Variants in DGKK observed in about 807,000 individuals in gnomAD.
DGKK encodes the protein 142 kDa diacylglycerol kinase.
Under a neutral mutation model 92.2 loss-of-function variants are expected in DGKK, and 35 were observed. That is an observed-to-expected ratio of 0.38 (90% confidence interval 0.29 to 0.50). The LOEUF is 0.50. Ranked by LOEUF, DGKK falls within the 20% of genes least tolerant of loss-of-function variation. The probability of loss-of-function intolerance (pLI) is 0.92; values close to 1 mark genes in which losing one functional copy is unlikely to be tolerated. For synonymous variants in DGKK, 368 were observed against 360.6 expected (o/e 1.02, Z -0.23); for missense variants, 910 against 992.2 (o/e 0.92, Z 1.11).
intron 8 of DGKK, among the ~76,000 whole-genome samples, chrX:50,396,426 T>A (rs187733659): frequency 8.9e-6 from 1 of 112,115 alleles, no homozygotes; most frequent in East Asian, 2.8e-4. Context: ...ATTTCTTTTT[T>A]AAAAAACTGA....
intron 19 of DGKK, 21 bp from the exon 20 acceptor site, chrX:50,379,755 T>C: frequency 8.7e-7 from 1 of 1,147,658 alleles, no homozygotes; most frequent in Non-Finnish European, 1.2e-6. Context: ...AGAGTAGCTC[T>C]CATTAGCTGG....
chrX:50,387,680 T>C, intron 13 of DGKK, 27 bp from the exon 14 acceptor site: 7 of 1,072,206 alleles, frequency 6.5e-6, no homozygotes, highest in Non-Finnish European at 9.1e-6. Context: ...GATGGCACAA[T>C]GTTACATGAA....
At chrX:50,369,206 G>A (rs1924049376) in intron 27 of DGKK, among the ~76,000 whole-genome samples, 187 bp from the exon 28 acceptor site, 1 of 111,112 alleles carries the variant, frequency 9.0e-6, no homozygotes, top group African/African-American at 3.3e-5. Flanking sequence ...CAAATGGGAT[G>A]AATTTTCAGA....
chrX:50,408,585 G>A (rs931869253), intron 4 of DGKK, among the ~76,000 whole-genome samples: 2 of 109,138 alleles, frequency 1.8e-5, no homozygotes, highest in East Asian at 5.8e-4. Context: ...GGGTTTCACC[G>A]TGTTAGCCAG....
chrX:50,426,024 T>C (rs782744510), intron 1 of DGKK, among the ~76,000 whole-genome samples: 1 of 111,943 alleles, frequency 8.9e-6, no homozygotes, highest in East Asian at 2.8e-4. Context: ...GGCAGTCCTA[T>C]TTACTCCTTT....
At chrX:50,468,857 TTGTGTGTGTG>T (rs145971796) in intron 1 of DGKK, among the ~76,000 whole-genome samples, 4 of 103,323 alleles carry the variant, frequency 3.9e-5, no homozygotes, top group Non-Finnish European at 6.0e-5. Context: ...TGTTATTCGT[TTGTGTGTGTG>T]TGTGTGTGTG....
intron 1 of DGKK, among the ~76,000 whole-genome samples, chrX:50,448,598 G>A (rs1926423867): frequency 9.0e-6 from 1 of 111,146 alleles, no homozygotes; most frequent in Non-Finnish European, 1.9e-5. Context: ...AGGGCGTGAG[G>A]TAGGGAGTGG....
chrX:50,442,029 G>C (rs1926183413), intron 1 of DGKK, among the ~76,000 whole-genome samples: 1 of 111,049 alleles, frequency 9.0e-6, no homozygotes, highest in South Asian at 3.8e-4. Context: ...GCAACCTACA[G>C]CCCCAAAAGA....
intron 4 of DGKK, among the ~76,000 whole-genome samples, chrX:50,419,663 A>G (rs1411652138): frequency 8.9e-6 from 1 of 111,964 alleles, no homozygotes; most frequent in African/African-American, 3.3e-5. Flanking sequence ...TATGTGCCAG[A>G]GACCGCTGTA....
At chrX:50,435,933 G>A (rs1286284631) in intron 1 of DGKK, among the ~76,000 whole-genome samples, 3 of 111,785 alleles carry the variant, frequency 2.7e-5, no homozygotes, top group African/African-American at 9.8e-5. Context: ...TCCTAAAGCT[G>A]TGGGTAGCCT....
chrX:50,396,785 G>A (rs1557226162), intron 8 of DGKK, among the ~76,000 whole-genome samples: 2 of 112,067 alleles, frequency 1.8e-5, no homozygotes, highest in African/African-American at 6.5e-5. Context: ...GCCACTGAGG[G>A]CAGAAATGTA....
Position 50,393,260 on chromosome X carries a change from A to AT in DGKK, c.1486dup (p.Ile496AsnfsTer22). ...CTGATGATCGCCACTTTTGGAGTTG[A>AT]TGAAGATGAGCAAGGGACATGAACA... On this transcript the variant is annotated frameshift_variant, in exon 9 of 28. Transcript: ENST00000611977. LOFTEE classifies it high-confidence loss of function. The AT allele has an allele frequency of 8.3e-7, 1 of 1,210,775 alleles. No homozygotes were observed. The highest frequency in any genetic ancestry group is 1.1e-6 in the Non-Finnish European group (1 of 894,775).
At chrX:50,383,761 C>T (rs1924468496) in intron 17 of DGKK, among the ~76,000 whole-genome samples, 1 of 111,749 alleles carries the variant, frequency 8.9e-6, no homozygotes, top group Non-Finnish European at 1.9e-5. Context: ...TGCCTAGTCC[C>T]CTAGTGACCA....
intron 1 of DGKK, among the ~76,000 whole-genome samples, chrX:50,443,191 C>T (rs1926207884): frequency 1.8e-5 from 2 of 110,774 alleles, no homozygotes; most frequent in Admixed American, 1.9e-4. Flanking sequence ...GGGTGAACAC[C>T]AGGAGGCAGG....
chrX:50,397,588 C>T (rs148341969), intron 8 of DGKK, among the ~76,000 whole-genome samples: 4 of 112,089 alleles, frequency 3.6e-5, no homozygotes, highest in African/African-American at 6.5e-5. Flanking sequence ...GAATCAAATG[C>T]TCTGGGGGTA....
intron 1 of DGKK, among the ~76,000 whole-genome samples, chrX:50,437,911 G>A (rs1365778784): frequency 1.8e-5 from 2 of 110,897 alleles, no homozygotes; most frequent in Non-Finnish European, 3.8e-5. Flanking sequence ...CATATGTGCT[G>A]CTCCCTGTTT....
At chrX:50,460,490 A>G (rs187990956) in intron 1 of DGKK, among the ~76,000 whole-genome samples, 275 of 111,343 alleles carry the variant, frequency 2.5e-3, no homozygotes, top group Non-Finnish European at 4.1e-3. Flanking sequence ...TCAGTATCCT[A>G]CACGTGCTTG....
intron 7 of DGKK, 140 bp from the exon 8 acceptor site, chrX:50,401,279 T>C: frequency 1.8e-6 from 1 of 551,543 alleles, no homozygotes; most frequent in Non-Finnish European, 3.0e-6. Flanking sequence ...CATACATATA[T>C]CCCTAACTCA....
chrX:50,394,492 C>T (rs1163115376), intron 8 of DGKK, among the ~76,000 whole-genome samples: 1 of 111,805 alleles, frequency 8.9e-6, no homozygotes, highest in African/African-American at 3.3e-5. Context: ...GAAGCTGGGT[C>T]CCCTCACTAG....
Sources: gnomAD v4.1 joint callset for allele counts (sites outside exome capture counted in the v4.1 genomes callset) on GRCh38, gnomAD v4.1.1 for gene constraint, MANE v1.5 for transcripts, NCBI Gene and HGNC (gene_info 2026-07-23, HGNC 2026-07-21) for gene names.